MGLL: variants seen among roughly 807,000 people sequenced by gnomAD.
MGLL encodes the protein monoglyceride lipase.
MGLL carries 7 observed loss-of-function variants against 29.1 expected under a neutral mutation model. The observed-to-expected ratio is 0.24, with a 90% CI of 0.14 to 0.45. The LOEUF (loss-of-function observed/expected upper bound fraction) is 0.45, where lower values mean the gene tolerates loss of function less well. Ranked by LOEUF, MGLL falls within the 20% of genes least tolerant of loss-of-function variation. The pLI is 0.99. For missense variants in MGLL, 356 were observed against 413.6 expected (o/e 0.86, Z 1.21); for synonymous variants, 148 against 168.3 (o/e 0.88, Z 0.93).
rs80131657 is a variant in MGLL at position 127,788,943 on chromosome 3, G to A, written c.156-7048C>T. On this transcript the variant is annotated intron_variant, in intron 2 of 7. Transcript: ENST00000265052. Reference sequence around the variant, plus strand: ...GCTGGAACAGTCATGAAGCATTCCCGGAGGCCTACAGACCACTCCCGCAGT... The same window carrying A: ...GCTGGAACAGTCATGAAGCATTCCCAGAGGCCTACAGACCACTCCCGCAGT... 3.6e-3 allele frequency among the ~76,000 whole-genome samples: 544 copies of A among 152,288 alleles called. 5 individuals are homozygous for A. Among genetic ancestry groups the A allele is most frequent in the African/African-American group, 0.013 (526 of 41,542 alleles).
chr3:127,754,151 T>G (rs1470360809), intron 3 of MGLL, among the ~76,000 whole-genome samples: 4 of 152,080 alleles, frequency 2.6e-5, no homozygotes, highest in Non-Finnish European at 5.9e-5. Context: ...CTGGCCTCAC[T>G]CTCCAGCTTC....
At chr3:127,788,751 C>A (rs1300902951) in intron 2 of MGLL, among the ~76,000 whole-genome samples, 1 of 152,184 alleles carries the variant, frequency 6.6e-6, no homozygotes, top group African/African-American at 2.4e-5. Flanking sequence ...TGGCTCTTAT[C>A]CAGAGTTCAT....
intron 5 of MGLL, among the ~76,000 whole-genome samples, chr3:127,718,022 G>C (rs977559213): frequency 2.0e-5 from 3 of 152,006 alleles, no homozygotes; most frequent in African/African-American, 4.8e-5. Context: ...AATGTTTGGG[G>C]CCCCCCCATC....
At chr3:127,733,429 A>G (rs2076186218) in intron 3 of MGLL, among the ~76,000 whole-genome samples, 1 of 152,056 alleles carries the variant, frequency 6.6e-6, no homozygotes. Context: ...ATGTTACTCT[A>G]TGGACTCCCT....
At chr3:127,703,475 T>C (rs1379148616) in intron 6 of MGLL, among the ~76,000 whole-genome samples, 1 of 152,234 alleles carries the variant, frequency 6.6e-6, no homozygotes, top group Non-Finnish European at 1.5e-5. Flanking sequence ...TTTTCCTAAA[T>C]GTGATAATGG....
chr3:127,791,289 A>G (rs1346622639), intron 2 of MGLL: 1 of 152,260 alleles, frequency 6.6e-6, no homozygotes, highest in Non-Finnish European at 1.5e-5. Flanking sequence ...TGTCCCAGGC[A>G]CTAGAGGGCC....
Position 127,735,782 on chromosome 3 carries a change from G to GA in MGLL, c.263-13217dup, listed in dbSNP as rs762819542. 7.5e-6 allele frequency: 12 copies of GA among 1,598,248 alleles called. No individual in the cohort carries two copies. The Admixed American group carries it at 2.0e-4, about 27-fold the overall frequency. ...CCTCCCTTTGTATGGTTTCAGAGGAGAAAAATGTATAAATTCTGGCATTCT... is the reference window on the plus strand; with the variant it reads ...CCTCCCTTTGTATGGTTTCAGAGGAGAAAAAATGTATAAATTCTGGCATTCT... On this transcript the variant is annotated intron_variant, in intron 3 of 7. Coordinates refer to ENST00000265052, the MANE Select transcript of MGLL (RefSeq NM_007283.7).
intron 3 of MGLL, among the ~76,000 whole-genome samples, chr3:127,746,401 GC>G (rs1000694828): frequency 9.9e-5 from 15 of 151,990 alleles, no homozygotes; most frequent in African/African-American, 3.4e-4. Context: ...TGCCTCAACT[GC>G]CCCCAGGCGG....
Position 127,695,140 on chromosome 3 carries a change from C to G in MGLL, c.651G>C (p.Val217=). The change falls in exon 7 of 8, where the codon GTG becomes GTC. Residue 217 remains valine (V), a synonymous_variant. Transcript: ENST00000265052. Reference sequence around the variant, plus strand: ...CATTCAGCAGTTGGATGCCGAAGCACACCTTCAGCCCTGCCCGGCAGATCA... The same window carrying G: ...CATTCAGCAGTTGGATGCCGAAGCAGACCTTCAGCCCTGCCCGGCAGATCA... The part of the protein sequence containing the change: ...DPLICRAGLK[V]CFGIQLLNAV... 3 of 1,614,214 alleles carry G rather than the reference C, an allele frequency of 1.9e-6. No homozygotes were observed. The African/African-American group carries it at 4.0e-5, about 22-fold the overall frequency.
intron 4 of MGLL, 81 bp downstream of exon 4, chr3:127,722,349 A>G: frequency 6.3e-7 from 1 of 1,583,044 alleles, no homozygotes; most frequent in East Asian, 2.2e-5. Context: ...AGTGGGGGGC[A>G]GGAAGTCAGG....
intron 5 of MGLL, chr3:127,714,158 G>C (rs182653919): frequency 6.6e-6 from 1 of 152,014 alleles, no homozygotes; most frequent in South Asian, 2.1e-4. Flanking sequence ...ACAATGCAAG[G>C]GGCTGGTCCC....
At position 127,735,730 on chromosome 3, in the gene MGLL, G is replaced by A. The variant is rs59580231; in HGVS notation, c.263-13164C>T. 2,540 of 1,598,082 alleles carry A rather than the reference G, an allele frequency of 1.6e-3. 44 individuals are homozygous for A. The East Asian group carries it at 0.038, about 24-fold the overall frequency. On this transcript the variant is annotated intron_variant, in intron 3 of 7. Coordinates refer to ENST00000265052, the MANE Select transcript of MGLL (RefSeq NM_007283.7). ...CTGGCAAAAGGTGGGTTTCCAGCAC[G>A]TGCTCGCTCCCCGCCTTCTCCCATT... is the stretch of plus-strand genomic sequence containing the variant.
At chr3:127,730,440 G>A (rs567327112) in intron 3 of MGLL, among the ~76,000 whole-genome samples, 8 of 152,206 alleles carry the variant, frequency 5.3e-5, no homozygotes, top group Admixed American at 3.9e-4. Context: ...TGAAGCATAC[G>A]CACACGTTCC....
At chr3:127,784,272 C>T (rs1019866661) in intron 2 of MGLL, among the ~76,000 whole-genome samples, 3 of 152,194 alleles carry the variant, frequency 2.0e-5, no homozygotes, top group Non-Finnish European at 4.4e-5. Flanking sequence ...GCCTGGGTCC[C>T]ACTCCCAGGG....
At chr3:127,807,750 CTTTTTTTTTTTTT>C (rs35444871) in intron 2 of MGLL, among the ~76,000 whole-genome samples, 4 of 59,466 alleles carry the variant, frequency 6.7e-5, no homozygotes, top group African/African-American at 1.4e-4. Flanking sequence ...TGTGAAAAGT[CTTTTTTTTTTTTT>C]TTTTTTTTTT....
chr3:127,753,829 C>G (rs548399605), intron 3 of MGLL, among the ~76,000 whole-genome samples: 31 of 152,220 alleles, frequency 2.0e-4, no homozygotes, highest in Non-Finnish European at 3.8e-4. Flanking sequence ...GCAAAGGAGC[C>G]TGGTCCAGAG....
At chr3:127,757,195 C>T (rs1576555541) in intron 3 of MGLL, among the ~76,000 whole-genome samples, 2 of 152,132 alleles carry the variant, frequency 1.3e-5, no homozygotes, top group African/African-American at 2.4e-5. Flanking sequence ...TGGAGAGAGC[C>T]GAACCCAACT....
In MGLL at chr3:127,691,361, T is replaced by C. The variant is rs995036334; in HGVS notation, c.*837A>G. On this transcript the variant is annotated 3_prime_UTR_variant, in exon 8 of 8. Transcript: ENST00000265052. Reference sequence around the variant, plus strand: ...GCTCCCTCCCACCTATCCACCAAAATAGTCTCTGCTTTAAAATATACATTA... The same window carrying C: ...GCTCCCTCCCACCTATCCACCAAAACAGTCTCTGCTTTAAAATATACATTA... The C allele has an allele frequency of 2.0e-5, 3 of 152,286 alleles. No individual in the cohort carries two copies. Among genetic ancestry groups the C allele is most frequent in the Non-Finnish European group, 1.5e-5 (1 of 68,098 alleles). The allele number at this position is 152,286 out of a possible 1,614,324, so 9.4% of individuals were successfully genotyped here. A position where few individuals can be genotyped will look rare whatever the true frequency, so the allele number is the denominator to read the frequency against.
chr3:127,818,491 G>A (rs1576327017), intron 2 of MGLL, among the ~76,000 whole-genome samples: 1 of 151,982 alleles, frequency 6.6e-6, no homozygotes, highest in African/African-American at 2.4e-5. Flanking sequence ...CTACAGATGT[G>A]TACCACGGAA....
Sources: allele counts gnomAD v4.1 joint callset (sites outside exome capture counted in the v4.1 genomes callset), GRCh38; gene constraint gnomAD v4.1.1; transcripts MANE v1.5; gene names NCBI Gene and HGNC (gene_info 2026-07-23, HGNC 2026-07-21).